Variants in FAM184A observed in about 807,000 individuals in gnomAD.
FAM184A encodes family with sequence similarity 184 member A, also known as protein FAM184A.
A neutral mutation model predicts 143.8 loss-of-function variants in FAM184A; 99 were observed. The observed-to-expected ratio is 0.69, with a 90% confidence interval of 0.58 to 0.81. The LOEUF is 0.81. Ranked by LOEUF, FAM184A falls within the 40% of genes least tolerant of loss-of-function variation. The probability of loss-of-function intolerance (pLI) is 0.00; values close to 1 mark genes in which losing one functional copy is unlikely to be tolerated. For synonymous variants in FAM184A, 427 were observed against 446.4 expected (o/e 0.96, Z 0.55); for missense variants, 1,217 against 1,310.5 (o/e 0.93, Z 1.10).
intron 1 of FAM184A, among the ~76,000 whole-genome samples, chr6:119,090,745 AT>A (rs1788343474): frequency 6.6e-6 from 1 of 151,910 alleles, no homozygotes; most frequent in African/African-American, 2.4e-5. Context: ...CCCATTCCAG[AT>A]TTTTTTTACC....
In FAM184A at chr6:119,057,692, G is replaced by A. The variant is rs142759523; in HGVS notation, c.159+20449C>T. ...CAGGAAGTGGAGGCTGCAGTAAGCCGTGATTGAGCCTGTGCACTCCACCCC... is the reference window on the plus strand; with the variant it reads ...CAGGAAGTGGAGGCTGCAGTAAGCCATGATTGAGCCTGTGCACTCCACCCC... On this transcript the variant is annotated intron_variant, in intron 1 of 17. Transcript: ENST00000338891. Among the ~76,000 whole-genome samples the A allele has an allele frequency of 1.7e-3, 258 of 152,238 alleles. 1 individual carries two copies. Among genetic ancestry groups the A allele is most frequent in the African/African-American group, 5.7e-3 (237 of 41,530 alleles).
At chr6:119,091,772 G>A (rs1788375311) in intron 1 of FAM184A, among the ~76,000 whole-genome samples, 1 of 152,202 alleles carries the variant, frequency 6.6e-6, no homozygotes, top group Admixed American at 6.5e-5. Flanking sequence ...CTAAGTTCTT[G>A]GCTAGTGTCC....
chr6:119,120,900 T>G (rs1582633941), intron 1 of FAM184A, among the ~76,000 whole-genome samples: 1 of 149,782 alleles, frequency 6.7e-6, no homozygotes, highest in Non-Finnish European at 1.5e-5. Flanking sequence ...CAGGCTGGAG[T>G]GCAGTGGCAT....
Position 118,994,487 on chromosome 6 carries a change from C to T in FAM184A, c.2088+8412G>A, listed in dbSNP as rs565029362. ...GGATCACAAGGTCAAGAGATTGAGA[C>T]CACCCTGGCTAACATGGTGAAACCC... On this transcript the variant is annotated intron_variant, in intron 9 of 17. Coordinates refer to ENST00000338891, the MANE Select transcript of FAM184A (RefSeq NM_024581.6). Among the ~76,000 whole-genome samples, 4 of 151,776 alleles carry T rather than the reference C, an allele frequency of 2.6e-5. No individual in the cohort carries two copies. In the East Asian group the frequency reaches 5.8e-4, roughly 22 times the overall value.
intron 4 of FAM184A, among the ~76,000 whole-genome samples, chr6:119,017,798 G>A (rs1196616342): frequency 1.3e-5 from 2 of 152,132 alleles, no homozygotes; most frequent in African/African-American, 4.8e-5. Context: ...CTGGATCATG[G>A]GGGTAAATCC....
intron 1 of FAM184A, among the ~76,000 whole-genome samples, chr6:119,147,221 CA>C (rs2114900210): frequency 6.6e-6 from 1 of 152,156 alleles, no homozygotes; most frequent in African/African-American, 2.4e-5. Flanking sequence ...AGCAAATAAT[CA>C]AGTTGCTTCA....
Position 119,024,752 on chromosome 6 carries a change from T to C in FAM184A, c.221A>G (p.Asp74Gly). Residue 74 changes from aspartate to glycine, a missense_variant, in exon 2 of 18, where the codon GAT becomes GGT. By Grantham distance (94) the Asp-to-Gly change is moderately conservative. Transcript: ENST00000338891. ...TTGTTGAATTTCTTCTTCATGAGCATCTTTGAGGGCTTGAATTGCAGATTC... is the reference window on the plus strand; with the variant it reads ...TTGTTGAATTTCTTCTTCATGAGCACCTTTGAGGGCTTGAATTGCAGATTC... The part of the protein sequence containing the change: ...EHESAIQALK[D>G]AHEEEIQQIL... 1 of 1,613,424 alleles carries C rather than the reference T, an allele frequency of 6.2e-7. No individual in the cohort carries two copies. Among genetic ancestry groups the C allele is most frequent in the South Asian group, 1.1e-5 (1 of 91,030 alleles).
chr6:118,994,246 C>G (rs969204029), intron 9 of FAM184A, among the ~76,000 whole-genome samples: 33 of 152,132 alleles, frequency 2.2e-4, no homozygotes, highest in African/African-American at 7.2e-4. Context: ...ATCAGAGGCA[C>G]TTCATTTTGA....
chr6:119,041,526 T>C (rs1786332512), intron 1 of FAM184A, among the ~76,000 whole-genome samples: 1 of 152,154 alleles, frequency 6.6e-6, no homozygotes, highest in Non-Finnish European at 1.5e-5. Flanking sequence ...AACCCAGACA[T>C]TCCAGCTGGC....
chr6:119,003,741 C>A, intron 7 of FAM184A, 119 bp from the exon 8 acceptor site: 1 of 906,536 alleles, frequency 1.1e-6, no homozygotes, highest in Non-Finnish European at 1.5e-6. Flanking sequence ...CAGCCCAATA[C>A]TTGATAATGC....
chr6:118,998,681 A>G (rs1438208807), intron 9 of FAM184A, among the ~76,000 whole-genome samples: 1 of 152,168 alleles, frequency 6.6e-6, no homozygotes, highest in African/African-American at 2.4e-5. Context: ...ATGTGGAGGG[A>G]CTGGTAGGTG....
chr6:119,023,931 T>C (rs1468792429), intron 2 of FAM184A, 28 bp downstream of exon 2: 23 of 1,511,330 alleles, frequency 1.5e-5, no homozygotes, highest in Non-Finnish European at 2.0e-5. Context: ...AAAAAATCCA[T>C]GTGTTGAATA....
intron 6 of FAM184A, among the ~76,000 whole-genome samples, chr6:119,008,086 C>A (rs1204471518): frequency 6.6e-6 from 1 of 152,056 alleles, no homozygotes; most frequent in African/African-American, 2.4e-5. Context: ...ATATAAAAAG[C>A]AAATAAGTGT....
chr6:119,088,805 G>A (rs1461706684), intron 1 of FAM184A, among the ~76,000 whole-genome samples: 1 of 152,112 alleles, frequency 6.6e-6, no homozygotes, highest in African/African-American at 2.4e-5. Flanking sequence ...AATCATACTA[G>A]CTTTTTGTAA....
chr6:119,042,429 C>T (rs535737187), intron 1 of FAM184A, among the ~76,000 whole-genome samples: 32 of 151,998 alleles, frequency 2.1e-4, no homozygotes, highest in African/African-American at 7.5e-4. Context: ...GAGGAAATTA[C>T]TTCTAAACTT....
intron 1 of FAM184A, among the ~76,000 whole-genome samples, chr6:119,054,447 T>C (rs1338727967): frequency 2.6e-5 from 4 of 152,222 alleles, no homozygotes; most frequent in Non-Finnish European, 5.9e-5. Context: ...TGTTCTCACA[T>C]GGCAGAAGTG....
In FAM184A at chr6:118,959,818, T is replaced by A; in HGVS notation, c.*285A>T. The A allele has an allele frequency of 1.1e-5, 1 of 90,456 alleles. No homozygotes were observed. 5.6% of individuals were successfully genotyped at this position (90,456 alleles called of 1,614,324 possible). A position where few individuals can be genotyped will look rare whatever the true frequency, so the allele number is the denominator to read the frequency against. ...AAATTAAAGCAAACGTAGAAAAAAA[T>A]AAAAAGCATTGTTTGATTCTAACAA... On this transcript the variant is annotated 3_prime_UTR_variant, in exon 18 of 18. Transcript: ENST00000338891.
chr6:119,083,674 G>A (rs12665481), intron 1 of FAM184A, among the ~76,000 whole-genome samples: 4,836 of 152,132 alleles, frequency 0.032, 539 homozygotes, highest in Admixed American at 0.21. Context: ...TTCCCAATAA[G>A]TTCCTCATCT....
chr6:119,020,970 G>A (rs1785424443), intron 3 of FAM184A, among the ~76,000 whole-genome samples: 1 of 152,170 alleles, frequency 6.6e-6, no homozygotes, highest in Admixed American at 6.5e-5. Flanking sequence ...AAAATGAGGA[G>A]AGACAGAGAG....
Sources: gnomAD v4.1 joint callset for allele counts (sites outside exome capture counted in the v4.1 genomes callset) on GRCh38, gnomAD v4.1.1 for gene constraint, MANE v1.5 for transcripts, NCBI Gene and HGNC (gene_info 2026-07-23, HGNC 2026-07-21) for gene names.